The following FAM149B1 variants were observed in gnomAD, a reference collection of about 807,000 sequenced individuals.
FAM149B1 encodes the protein primary cilium assembly protein FAM149B1.
Under a neutral mutation model 75.3 loss-of-function variants are expected in FAM149B1, and 56 were observed. The ratio of observed to expected loss-of-function variants is 0.74; its 90% CI spans 0.60 to 0.93. FAM149B1 has a LOEUF of 0.93. Among genes scored for constraint, FAM149B1 ranks in the 40% least tolerant of loss-of-function variants. The probability of loss-of-function intolerance (pLI) is 0.00; values close to 1 mark genes in which losing one functional copy is unlikely to be tolerated. For missense variants in FAM149B1, 639 were observed against 708.4 expected (o/e 0.90, Z 1.11); for synonymous variants, 259 against 256.1 (o/e 1.01, Z -0.11).
At chr10:73,173,972 C>T (rs558829776) in intron 1 of FAM149B1, among the ~76,000 whole-genome samples, 5 of 152,236 alleles carry the variant, frequency 3.3e-5, no homozygotes, top group African/African-American at 1.2e-4. Context: ...AAGCATGGTG[C>T]TTTTGAGATC....
At chr10:73,204,429 G>A (rs769006916) in intron 5 of FAM149B1, among the ~76,000 whole-genome samples, 2 of 151,992 alleles carry the variant, frequency 1.3e-5, no homozygotes, top group Non-Finnish European at 2.9e-5. Flanking sequence ...CAGCTGCCAT[G>A]GGTTTATTCT....
intron 1 of FAM149B1, chr10:73,168,737 C>A: frequency 8.0e-6 from 2 of 251,130 alleles, no homozygotes; most frequent in Non-Finnish European, 7.6e-6. Context: ...AAGCTATTTA[C>A]ATACATTTGC....
In FAM149B1 at chr10:73,177,892, G is replaced by C; in HGVS notation, c.199G>C (p.Gly67Arg). The C allele has an allele frequency of 1.3e-6, 2 of 1,551,746 alleles. No individual in the cohort carries two copies. Among genetic ancestry groups the C allele is most frequent in the Non-Finnish European group, 1.7e-6 (2 of 1,146,942 alleles). ...RESSFTSADT[G>R]NSLSAFPSYT... ...ATCATCTTTTACATCAGCCGACACT[G>C]GGAATTCACTGTCTGCTTTTCCAAG... The change falls in exon 3 of 14, where the codon GGG (glycine) becomes CGG (arginine). Residue 67 changes from glycine to arginine, a missense_variant. By Grantham distance (125) the Gly-to-Arg change is moderately radical. Transcript: ENST00000242505.
At chr10:73,203,102 C>T (rs571837650) in intron 5 of FAM149B1, among the ~76,000 whole-genome samples, 5 of 152,280 alleles carry the variant, frequency 3.3e-5, no homozygotes, top group African/African-American at 9.6e-5. Flanking sequence ...TGTTAGCCCA[C>T]GGTGTTTTTT....
chr10:73,181,219 C>T (rs1382340103), intron 3 of FAM149B1, among the ~76,000 whole-genome samples: 3 of 152,066 alleles, frequency 2.0e-5, no homozygotes, highest in African/African-American at 7.2e-5. Flanking sequence ...CCACGTTATC[C>T]AGGATGGTCT....
At chr10:73,182,735 C>T (rs76660256) in intron 3 of FAM149B1, among the ~76,000 whole-genome samples, 4,053 of 152,296 alleles carry the variant, frequency 0.027, 75 homozygotes, top group Middle Eastern at 0.061. Flanking sequence ...AGCTCCCAGC[C>T]TTTGAGTCTT....
chr10:73,190,443 G>A (rs180868746), intron 3 of FAM149B1, among the ~76,000 whole-genome samples: 28 of 150,870 alleles, frequency 1.9e-4, no homozygotes, highest in African/African-American at 5.6e-4. Flanking sequence ...GATTCACTGC[G>A]ACTACAGGTG....
At chr10:73,226,094 CAAT>C (rs2133392151) in intron 7 of FAM149B1, among the ~76,000 whole-genome samples, 1 of 146,174 alleles carries the variant, frequency 6.8e-6, no homozygotes, top group East Asian at 2.1e-4. Flanking sequence ...TATTTTACCA[CAAT>C]AATTTTTTTT....
At chr10:73,185,257 A>C (rs1421157247) in intron 3 of FAM149B1, among the ~76,000 whole-genome samples, 1 of 152,266 alleles carries the variant, frequency 6.6e-6, no homozygotes, top group Non-Finnish European at 1.5e-5. Flanking sequence ...ATTAATAATT[A>C]AAAATCTTTC....
At chr10:73,175,097 A>ACCAAG (rs1225050371) in intron 2 of FAM149B1, among the ~76,000 whole-genome samples, 21 of 152,306 alleles carry the variant, frequency 1.4e-4, no homozygotes, top group African/African-American at 4.6e-4. Flanking sequence ...GGAGCTTGGT[A>ACCAAG]CTTACAATCC....
intron 10 of FAM149B1, among the ~76,000 whole-genome samples, chr10:73,233,850 G>C (rs1475609636): frequency 1.3e-5 from 2 of 152,126 alleles, no homozygotes; most frequent in Non-Finnish European, 2.9e-5. Context: ...TCCCCTTTAA[G>C]GTTCTTCTGT....
chr10:73,244,099 G>A lies in FAM149B1; in HGVS notation c.*3080G>A. 1 of 594,986 alleles carries A rather than the reference G, an allele frequency of 1.7e-6. No homozygotes were observed. The highest frequency in any genetic ancestry group is 3.0e-6 in the Non-Finnish European group (1 of 335,734). The allele number at this position is 594,986 out of a possible 1,614,324, so 36.9% of individuals were successfully genotyped here. On this transcript the variant is annotated 3_prime_UTR_variant, in exon 14 of 14. Coordinates refer to ENST00000242505, the MANE Select transcript of FAM149B1 (RefSeq NM_173348.2). ...TCATTAAATGGCAACAATGCTGACA[G>A]CAAGCAGTAGATCCTCTGATTCCAA...
At chr10:73,170,139 GTGAC>G (rs1048713467) in intron 1 of FAM149B1, among the ~76,000 whole-genome samples, 2 of 151,946 alleles carry the variant, frequency 1.3e-5, no homozygotes, top group Non-Finnish European at 2.9e-5. Flanking sequence ...TTCTAGCCAC[GTGAC>G]TTTTAGGCAA....
chr10:73,234,612 A>T, intron 10 of FAM149B1: 1 of 567,202 alleles, frequency 1.8e-6, no homozygotes, highest in Non-Finnish European at 3.1e-6. Context: ...CCCAGAGTAT[A>T]GAGCTTCAAA....
intron 3 of FAM149B1, among the ~76,000 whole-genome samples, chr10:73,184,412 T>C (rs191447502): frequency 6.6e-6 from 1 of 152,118 alleles, no homozygotes; most frequent in Non-Finnish European, 1.5e-5. Context: ...TCAATACTTG[T>C]AGACCACCTA....
At chr10:73,178,027 A>G in intron 3 of FAM149B1, 52 bp downstream of exon 3, 1 of 1,492,256 alleles carries the variant, frequency 6.7e-7, no homozygotes, top group Admixed American at 2.6e-5. Flanking sequence ...GATTCTGGGA[A>G]TTAGGATTTG....
At chr10:73,201,051 T>C (rs927680543) in intron 5 of FAM149B1, 5 of 324,146 alleles carry the variant, frequency 1.5e-5, no homozygotes, top group Non-Finnish European at 2.5e-5. Flanking sequence ...TAAACTATGA[T>C]CTACCTAGCA....
intron 7 of FAM149B1, among the ~76,000 whole-genome samples, chr10:73,224,508 G>A (rs996114993): frequency 2.8e-5 from 4 of 141,206 alleles, no homozygotes; most frequent in Admixed American, 7.4e-5. Context: ...GTCTCGCTCC[G>A]TGGCCCAGGC....
At chr10:73,213,615 G>A (rs913157135) in intron 7 of FAM149B1, among the ~76,000 whole-genome samples, 1 of 152,016 alleles carries the variant, frequency 6.6e-6, no homozygotes, top group Non-Finnish European at 1.5e-5. Context: ...GTATATTTTT[G>A]TTGACTTTGT....
Sources: gnomAD v4.1 joint callset for allele counts (sites outside exome capture counted in the v4.1 genomes callset) on GRCh38, gnomAD v4.1.1 for gene constraint, MANE v1.5 for transcripts, NCBI Gene and HGNC (gene_info 2026-07-23, HGNC 2026-07-21) for gene names.